STXBP3: variants seen among roughly 807,000 people sequenced by gnomAD.
The protein encoded by STXBP3 is syntaxin binding protein 3.
A neutral mutation model predicts 85.7 loss-of-function variants in STXBP3; 41 were observed. The ratio of observed to expected loss-of-function variants is 0.48; its 90% CI spans 0.37 to 0.62. The LOEUF is 0.62. STXBP3 is among the 20% of genes least tolerant of loss of function. The pLI is 0.00. For missense variants in STXBP3, 563 were observed against 703.1 expected (o/e 0.80, Z 2.25); for synonymous variants, 229 against 231.7 (o/e 0.99, Z 0.10).
At chr1:108,771,233 A>G (rs974452226) in intron 6 of STXBP3, among the ~76,000 whole-genome samples, 1 of 150,140 alleles carries the variant, frequency 6.7e-6, no homozygotes, top group African/African-American at 2.5e-5. Context: ...GAAAAGAAAT[A>G]AAGGATGAAA....
intron 3 of STXBP3, among the ~76,000 whole-genome samples, chr1:108,755,680 CAAAAT>C (rs1320084723): frequency 6.6e-6 from 1 of 151,804 alleles, no homozygotes; most frequent in African/African-American, 2.4e-5. Flanking sequence ...ATTCACCAAA[CAAAAT>C]AATATGTATA....
chr1:108,798,426 T>C (rs1325173538), intron 16 of STXBP3, among the ~76,000 whole-genome samples, 189 bp downstream of exon 16: 3 of 148,996 alleles, frequency 2.0e-5, no homozygotes, highest in African/African-American at 7.4e-5. Context: ...TTTTTTTTTT[T>C]TCTTTTTGAG....
rs1438387251 is a variant in STXBP3, at chr1:108,798,126, T to C, written c.1357-19T>C. On this transcript the variant is annotated intron_variant, in intron 15 of 18. Coordinates refer to ENST00000370008, the MANE Select transcript of STXBP3 (RefSeq NM_007269.4). The stretch of plus-strand genomic sequence containing the variant: ...AATAGAATTACTGGTTTTTAATTTT[T>C]TTCCTCTAATTGTATTAGTCTCAAC... 6.4e-7 allele frequency: 1 copy of C among 1,570,480 alleles called. No individual in the cohort carries two copies. The highest frequency in any genetic ancestry group is 1.4e-5 in the African/African-American group (1 of 72,104).
chr1:108,801,904 A>G (rs1663241216), intron 17 of STXBP3, among the ~76,000 whole-genome samples: 1 of 151,934 alleles, frequency 6.6e-6, no homozygotes, highest in Admixed American at 6.6e-5. Context: ...CCTGGGCTCA[A>G]GCGATCTTCC....
At chr1:108,767,684 A>C (rs61797323) in intron 6 of STXBP3, 10,341 of 153,030 alleles carry the variant, frequency 0.068, 383 homozygotes, top group Admixed American at 0.084. Flanking sequence ...GTCTCGCTCA[A>C]ACAGTCCTCC....
At chr1:108,802,863 G>A (rs1179027937) in intron 17 of STXBP3, among the ~76,000 whole-genome samples, 1 of 152,102 alleles carries the variant, frequency 6.6e-6, no homozygotes, top group African/African-American at 2.4e-5. Context: ...CCTGCAGCCT[G>A]CTTTTTTGTT....
intron 7 of STXBP3, among the ~76,000 whole-genome samples, chr1:108,775,701 C>A (rs375987555): frequency 6.6e-6 from 1 of 151,936 alleles, no homozygotes; most frequent in Non-Finnish European, 1.5e-5. Context: ...ACATGGTGAC[C>A]GCCAGTTCCA....
In STXBP3 at chr1:108,756,718, A is replaced by T; in HGVS notation, c.210A>T (p.Glu70Asp). The change falls in exon 4 of 19, where the codon GAA (glutamate) becomes GAT (aspartate). Residue 70 changes from glutamate to aspartate, a missense_variant. Glu to Asp is a conservative substitution (Grantham distance 45). Coordinates refer to ENST00000370008, the MANE Select transcript of STXBP3 (RefSeq NM_007269.4). ...TVVENIYKNREPVRQMKALYF... is the reference protein window; with the variant it reads ...TVVENIYKNRDPVRQMKALYF... ...TAGAGAATATTTATAAGAACCGTGA[A>T]CCTGTCAGACAAATGAAAGCTCTTT... 16 of 1,593,696 alleles carry T rather than the reference A, an allele frequency of 1.0e-5. No homozygotes were observed. Among genetic ancestry groups the T allele is most frequent in the Non-Finnish European group, 1.4e-5 (16 of 1,168,906 alleles).
At position 108,800,228 on chromosome 1, in the gene STXBP3, T is replaced by C; in HGVS notation, c.1458T>C (p.Ile486=). The change falls in exon 17 of 19, where the codon ATT becomes ATC. Residue 486 remains isoleucine (I), a synonymous_variant. Transcript: ENST00000370008. ...ACTCTTTCCTTCCTTAGGATGCTATTGATAATAGATTAGATTCAAAAGAAT... is the reference window on the plus strand; with the variant it reads ...ACTCTTTCCTTCCTTAGGATGCTATCGATAATAGATTAGATTCAAAAGAAT... ...PFIKDIMEDA[I]DNRLDSKEWP... is the part of the protein sequence containing the mutation. 6.2e-7 allele frequency: 1 copy of C among 1,607,862 alleles called. No individual in the cohort carries two copies. Among genetic ancestry groups the C allele is most frequent in the Non-Finnish European group, 8.5e-7 (1 of 1,174,486 alleles).
intron 6 of STXBP3, among the ~76,000 whole-genome samples, chr1:108,769,561 A>G (rs895875000): frequency 6.6e-6 from 1 of 152,220 alleles, no homozygotes; most frequent in African/African-American, 2.4e-5. Flanking sequence ...TGAAGAGTAG[A>G]TGGAAGACAG....
rs781000610 is a variant in STXBP3 at position 108,798,406 on chromosome 1, CTT to C, written c.1449+189_1449+190del. On this transcript the variant is annotated intron_variant, in intron 16 of 18. Transcript: ENST00000370008. The stretch of plus-strand genomic sequence containing the variant: ...TGGGAAACTCTTGAAGATTCTTCTT[CTT>C]TTTTTTTTTTTTTTTTTTTCTTTTT... Among the ~76,000 whole-genome samples the C allele has an allele frequency of 5.9e-5, 6 of 101,568 alleles. 1 individual carries two copies. Among genetic ancestry groups the C allele is most frequent in the Middle Eastern group, 0.014 (2 of 148 alleles). The allele number at this position is 101,568 out of a possible 152,430, so 66.6% of individuals were successfully genotyped here. A position where few individuals can be genotyped will look rare whatever the true frequency, so the allele number is the denominator to read the frequency against.
chr1:108,802,418 T>A lies in STXBP3; in HGVS notation c.1535+2113T>A, dbSNP rs114107513. On this transcript the variant is annotated intron_variant, in intron 17 of 18. Coordinates refer to ENST00000370008, the MANE Select transcript of STXBP3 (RefSeq NM_007269.4). ...CCTCAAATTAATTAATTAATTAATT[T>A]ATTTATTTGTACCTGATTGGCTGCC... is the stretch of plus-strand genomic sequence containing the variant. Among the ~76,000 whole-genome samples the A allele has an allele frequency of 3.8e-3, 571 of 152,168 alleles. 3 individuals are homozygous for A. The highest frequency in any genetic ancestry group is 0.012 in the African/African-American group (507 of 41,500).
chr1:108,747,332 A>G (rs1166332150), intron 1 of STXBP3, among the ~76,000 whole-genome samples: 2 of 152,168 alleles, frequency 1.3e-5, no homozygotes, highest in African/African-American at 4.8e-5. Flanking sequence ...AGAGGAGCCT[A>G]CTTTCTGAAA....
chr1:108,755,280 T>C (rs1661995599), intron 3 of STXBP3, among the ~76,000 whole-genome samples: 1 of 151,992 alleles, frequency 6.6e-6, no homozygotes, highest in Admixed American at 6.6e-5. Flanking sequence ...ACTTTGTCTC[T>C]ACTAAAATCC....
intron 11 of STXBP3, among the ~76,000 whole-genome samples, chr1:108,788,838 G>A (rs1228585462): frequency 6.6e-6 from 1 of 152,026 alleles, no homozygotes; most frequent in Non-Finnish European, 1.5e-5. Flanking sequence ...AAGGCAGACG[G>A]ATCACCTGAG....
intron 13 of STXBP3, 111 bp from the exon 14 acceptor site, chr1:108,796,122 CA>C (rs1663089691): frequency 1.7e-6 from 2 of 1,176,908 alleles, no homozygotes. Flanking sequence ...CTTGGCCTCC[CA>C]AAGTGCTGGG....
intron 9 of STXBP3, chr1:108,781,030 C>G (rs1474691245): frequency 6.6e-6 from 1 of 152,040 alleles, no homozygotes; most frequent in Admixed American, 6.6e-5. Flanking sequence ...GGCCTCCCAA[C>G]TAAATTTACT....
intron 8 of STXBP3, among the ~76,000 whole-genome samples, chr1:108,776,847 A>C (rs1662604796): frequency 6.6e-6 from 1 of 152,214 alleles, no homozygotes; most frequent in Non-Finnish European, 1.5e-5. Context: ...TAATAAATGT[A>C]GGAATTCCTA....
chr1:108,796,401 T>C, intron 14 of STXBP3, 29 bp downstream of exon 14: 2 of 1,389,296 alleles, frequency 1.4e-6, no homozygotes, highest in Non-Finnish European at 2.0e-6. Flanking sequence ...TTTTAATAAG[T>C]ATTTTACTAT....
Sources: allele counts gnomAD v4.1 joint callset (sites outside exome capture counted in the v4.1 genomes callset), GRCh38; gene constraint gnomAD v4.1.1; transcripts MANE v1.5; gene names NCBI Gene and HGNC (gene_info 2026-07-23, HGNC 2026-07-21).